ZNF385D: variants seen among roughly 807,000 people sequenced by gnomAD.
The protein encoded by ZNF385D is zinc finger protein 385D.
A neutral mutation model predicts 35.8 loss-of-function variants in ZNF385D; 15 were observed. That is an observed-to-expected ratio of 0.42 (90% confidence interval 0.28 to 0.64). The LOEUF (loss-of-function observed/expected upper bound fraction) is 0.64. ZNF385D is among the 30% of genes least tolerant of loss of function. The probability of loss-of-function intolerance (pLI) is 0.23; values close to 1 mark genes in which losing one functional copy is unlikely to be tolerated. For missense variants in ZNF385D, 474 were observed against 494.6 expected (o/e 0.96, Z 0.39); for synonymous variants, 212 against 186.8 (o/e 1.13, Z -1.10).
intron 3 of ZNF385D, among the ~76,000 whole-genome samples, chr3:21,912,695 T>C (rs1002570689): frequency 6.6e-5 from 10 of 151,978 alleles, no homozygotes; most frequent in African/African-American, 2.4e-4. Flanking sequence ...CTTTTGAAAT[T>C]GGAAAAAGAG....
intron 3 of ZNF385D, chr3:21,777,522 A>G (rs2071335225): frequency 6.6e-6 from 1 of 151,918 alleles, no homozygotes; most frequent in Admixed American, 6.6e-5. Context: ...GGCTTTCAAC[A>G]TGATCAGACA....
chr3:21,707,530 A>C (rs1344443581), intron 1 of ZNF385D, among the ~76,000 whole-genome samples: 1 of 152,186 alleles, frequency 6.6e-6, no homozygotes, highest in Non-Finnish European at 1.5e-5. Flanking sequence ...TAGAATCTTG[A>C]AAGGGAACGA....
intron 2 of ZNF385D, among the ~76,000 whole-genome samples, chr3:22,191,097 A>T (rs543987008): frequency 6.6e-6 from 1 of 152,160 alleles, no homozygotes; most frequent in South Asian, 2.1e-4. Context: ...AAATAAACAT[A>T]GGAAGTCCAC....
intron 3 of ZNF385D, among the ~76,000 whole-genome samples, chr3:21,806,469 T>G (rs921562068): frequency 1.9e-4 from 29 of 151,868 alleles, no homozygotes; most frequent in African/African-American, 6.8e-4. Context: ...CCTCCCAGAG[T>G]GCTGGGATTA....
chr3:22,204,011 G>T (rs1488840512), intron 2 of ZNF385D, among the ~76,000 whole-genome samples: 1 of 152,050 alleles, frequency 6.6e-6, no homozygotes, highest in Non-Finnish European at 1.5e-5. Context: ...TCAAGTGGTG[G>T]TTACAGTGCA....
chr3:22,305,121 ATTAC>A (rs1703133844), intron 2 of ZNF385D, among the ~76,000 whole-genome samples: 3 of 151,836 alleles, frequency 2.0e-5, no homozygotes, highest in East Asian at 1.9e-4. Context: ...AATCTTTCTT[ATTAC>A]TTTATTTTTT....
At chr3:21,645,790 A>G (rs1407879904) in intron 2 of ZNF385D, among the ~76,000 whole-genome samples, 1 of 152,054 alleles carries the variant, frequency 6.6e-6, no homozygotes, top group East Asian at 1.9e-4. Flanking sequence ...CCAACTAGAT[A>G]TTTTTTCTCC....
intron 2 of ZNF385D, among the ~76,000 whole-genome samples, chr3:22,201,720 G>A (rs1199617042): frequency 1.3e-5 from 2 of 151,758 alleles, no homozygotes; most frequent in East Asian, 3.9e-4. Flanking sequence ...TTGTAATACT[G>A]TTATTAAAAT....
At chr3:21,801,307 G>C (rs1024844822) in intron 3 of ZNF385D, among the ~76,000 whole-genome samples, 2 of 152,004 alleles carry the variant, frequency 1.3e-5, no homozygotes, top group Non-Finnish European at 2.9e-5. Context: ...TCTTTATCTG[G>C]TTTTGATATC....
At chr3:22,342,472 G>C (rs1196870864) in intron 2 of ZNF385D, among the ~76,000 whole-genome samples, 1 of 151,898 alleles carries the variant, frequency 6.6e-6, no homozygotes, top group African/African-American at 2.4e-5. Flanking sequence ...CCTGGATCTA[G>C]AATTGTCTCC....
intron 3 of ZNF385D, among the ~76,000 whole-genome samples, chr3:22,086,854 G>A (rs1376498649): frequency 1.3e-5 from 2 of 151,974 alleles, no homozygotes; most frequent in African/African-American, 2.4e-5. Flanking sequence ...AACACTGCAT[G>A]TTGTCACTCA....
chr3:21,989,307 G>A (rs1695015427), intron 3 of ZNF385D, among the ~76,000 whole-genome samples: 1 of 152,058 alleles, frequency 6.6e-6, no homozygotes, highest in Non-Finnish European at 1.5e-5. Context: ...TAATAAACTG[G>A]TTTGGACTGG....
intron 1 of ZNF385D, among the ~76,000 whole-genome samples, chr3:21,728,123 C>T (rs1291879954): frequency 2.0e-5 from 3 of 152,074 alleles, no homozygotes; most frequent in Admixed American, 6.6e-5. Context: ...CATCACACAT[C>T]GCGGCCTGTC....
chr3:22,289,990 C>A (rs1702217221), intron 2 of ZNF385D, among the ~76,000 whole-genome samples: 1 of 152,122 alleles, frequency 6.6e-6, no homozygotes, highest in South Asian at 2.1e-4. Context: ...AAACTGGAAG[C>A]TTTGAGTTTT....
chr3:21,770,860 T>C (rs145225513), intron 3 of ZNF385D, among the ~76,000 whole-genome samples: 28,096 of 151,894 alleles, frequency 0.18, 3,170 homozygotes, highest in Non-Finnish European at 0.25. Flanking sequence ...CAATGATAGA[T>C]TGGATTAAGA....
At chr3:22,079,789 A>T (rs1700655200) in intron 3 of ZNF385D, among the ~76,000 whole-genome samples, 1 of 152,018 alleles carries the variant, frequency 6.6e-6, no homozygotes, top group Admixed American at 6.6e-5. Flanking sequence ...ATGAGAAAAT[A>T]AAGACCTTGG....
At chr3:22,324,195 C>A (rs779806073) in intron 2 of ZNF385D, among the ~76,000 whole-genome samples, 1 of 152,082 alleles carries the variant, frequency 6.6e-6, no homozygotes, top group Non-Finnish European at 1.5e-5. Context: ...AATTTTGGTG[C>A]TCCTAATAGG....
chr3:21,810,249 T>C (rs2072854747), intron 3 of ZNF385D, among the ~76,000 whole-genome samples: 1 of 151,980 alleles, frequency 6.6e-6, no homozygotes, highest in Non-Finnish European at 1.5e-5. Flanking sequence ...TAAAAATCAG[T>C]GAATCTAAAG....
intron 3 of ZNF385D, among the ~76,000 whole-genome samples, chr3:22,167,375 C>T (rs570972044): frequency 7.2e-5 from 11 of 152,308 alleles, no homozygotes; most frequent in South Asian, 2.1e-4. Flanking sequence ...CTCAGCCATA[C>T]TGGGGGAGAA....
Sources: gnomAD v4.1 joint callset for allele counts (sites outside exome capture counted in the v4.1 genomes callset) on GRCh38, gnomAD v4.1.1 for gene constraint, MANE v1.5 for transcripts, NCBI Gene and HGNC (gene_info 2026-07-23, HGNC 2026-07-21) for gene names.